Variants in EXOC4 observed in about 807,000 individuals in gnomAD.
The protein encoded by EXOC4 is SEC8-like 1.
EXOC4 carries 71 observed loss-of-function variants against 107.2 expected under a neutral mutation model. The ratio of observed to expected loss-of-function variants is 0.66; its 90% CI spans 0.55 to 0.81. The LOEUF is 0.81. EXOC4 is among the 30% of genes least tolerant of loss of function. The pLI, the probability that EXOC4 is intolerant of heterozygous loss-of-function variation, is 0.00. For synonymous variants in EXOC4, 456 were observed against 441.2 expected (o/e 1.03, Z -0.42); for missense variants, 1,108 against 1,189.6 (o/e 0.93, Z 1.01).
chr7:133,777,355 C>T (rs1309766298), intron 10 of EXOC4, among the ~76,000 whole-genome samples: 1 of 151,446 alleles, frequency 6.6e-6, no homozygotes. Context: ...TGTGATTGTA[C>T]TAGACATTTT....
chr7:134,093,348 T>C, the EXOC4 span, among the ~76,000 whole-genome samples: 1 of 152,024 alleles, frequency 6.6e-6, no homozygotes, highest in African/African-American at 2.4e-5. Flanking sequence ...TAATGATAAA[T>C]AATCCAATTC....
intron 9 of EXOC4, among the ~76,000 whole-genome samples, chr7:133,497,428 G>GTTT (rs1220022922): frequency 2.9e-5 from 4 of 139,304 alleles, no homozygotes; most frequent in Non-Finnish European, 3.2e-5. Context: ...CTCTGTCAGT[G>GTTT]TTTTTTTTTT....
chr7:133,271,016 T>A (rs148340732), intron 1 of EXOC4, among the ~76,000 whole-genome samples: 2 of 152,092 alleles, frequency 1.3e-5, no homozygotes, highest in African/African-American at 4.8e-5. Flanking sequence ...CCTCCTGGGT[T>A]CAAGTGATTC....
chr7:133,472,830 T>C (rs1798911003), intron 7 of EXOC4, among the ~76,000 whole-genome samples: 2 of 152,100 alleles, frequency 1.3e-5, no homozygotes, highest in Non-Finnish European at 2.9e-5. Flanking sequence ...GAGGTAACAA[T>C]TAAGGGGACT....
Position 133,272,008 on chromosome 7 carries a change from G to A in EXOC4, c.87-2974G>A, listed in dbSNP as rs924857304. Among the ~76,000 whole-genome samples the A allele has an allele frequency of 4.0e-5, 6 of 151,866 alleles. No individual in the cohort carries two copies. In the East Asian group the frequency reaches 1.2e-3, roughly 29 times the overall value. On this transcript the variant is annotated intron_variant, in intron 1 of 17. Transcript: ENST00000253861. ...GAGGGTGTACTTTTTATTATGTTAT[G>A]GAAAAACGCTACTGTCTTTGCTGCT...
chr7:133,824,374 G>T (rs576956586), intron 11 of EXOC4, among the ~76,000 whole-genome samples: 1 of 151,926 alleles, frequency 6.6e-6, no homozygotes, highest in Non-Finnish European at 1.5e-5. Flanking sequence ...CTCATCACCA[G>T]CTTGCTGTTT....
At chr7:134,077,591 A>T in the EXOC4 span, among the ~76,000 whole-genome samples, 1 of 152,210 alleles carries the variant, frequency 6.6e-6, no homozygotes, top group Admixed American at 6.5e-5. Flanking sequence ...ACCTCCAAAA[A>T]ATTGGGCCCA....
chr7:133,571,531 A>G (rs969529890), intron 9 of EXOC4, among the ~76,000 whole-genome samples: 1 of 152,044 alleles, frequency 6.6e-6, no homozygotes, highest in African/African-American at 2.4e-5. Flanking sequence ...TTAGCCAGGC[A>G]TGGTGTCATG....
intron 17 of EXOC4, among the ~76,000 whole-genome samples, chr7:134,030,305 A>G (rs1795239319): frequency 6.6e-6 from 1 of 152,254 alleles, no homozygotes; most frequent in South Asian, 2.1e-4. Context: ...AGTATTCATA[A>G]TAGCCAAAAG....
intron 7 of EXOC4, among the ~76,000 whole-genome samples, chr7:133,379,761 TAAAC>T (rs1030376059): frequency 3.3e-5 from 5 of 152,184 alleles, no homozygotes; most frequent in Admixed American, 6.6e-5. Context: ...GTTATGATAA[TAAAC>T]AAAGTAAGAT....
At chr7:133,831,885 A>G (rs1214223279) in intron 11 of EXOC4, among the ~76,000 whole-genome samples, 1 of 152,204 alleles carries the variant, frequency 6.6e-6, no homozygotes, top group Admixed American at 6.5e-5. Context: ...GTTCATACTG[A>G]TGTCTCCAAC....
chr7:133,279,982 G>A (rs141932005), intron 2 of EXOC4, among the ~76,000 whole-genome samples: 94 of 152,094 alleles, frequency 6.2e-4, no homozygotes, highest in African/African-American at 2.2e-3. Flanking sequence ...TTTAGAGATA[G>A]GGTTTCACTC....
chr7:133,503,254 T>C (rs988511135), intron 9 of EXOC4, among the ~76,000 whole-genome samples: 3 of 152,134 alleles, frequency 2.0e-5, no homozygotes, highest in Non-Finnish European at 2.9e-5. Context: ...GGGTGGGGCT[T>C]TTTGTTACAA....
chr7:133,733,806 G>A (rs1416580769), intron 10 of EXOC4, among the ~76,000 whole-genome samples: 1 of 152,002 alleles, frequency 6.6e-6, no homozygotes. Flanking sequence ...CAAGTCTATG[G>A]TAACTTTCTC....
rs1325830487 is a variant in EXOC4, at chr7:133,317,266, G to A, written c.657-18G>A. 6.3e-7 allele frequency: 1 copy of A among 1,575,476 alleles called. No homozygotes were observed. The highest frequency in any genetic ancestry group is 1.1e-5 in the South Asian group (1 of 90,102). ...GGTTTTGAAGAAAGTGGTAACTAGT[G>A]CTTCTTTTCCCGTTCAGCTCCCTCG... On this transcript the variant is annotated intron_variant, in intron 4 of 17. Transcript: ENST00000253861.
intron 9 of EXOC4, among the ~76,000 whole-genome samples, chr7:133,599,500 T>G (rs1274293695): frequency 6.6e-6 from 1 of 152,220 alleles, no homozygotes; most frequent in East Asian, 1.9e-4. Context: ...CTCTAATGGC[T>G]GTTTAACAGA....
At chr7:133,455,530 G>C (rs2150815843) in intron 7 of EXOC4, among the ~76,000 whole-genome samples, 1 of 152,280 alleles carries the variant, frequency 6.6e-6, no homozygotes, top group South Asian at 2.1e-4. Context: ...TGATATATGA[G>C]ACAAAATAAG....
Position 133,410,493 on chromosome 7 carries a change from C to T in EXOC4, c.1182+35491C>T, listed in dbSNP as rs576221800. Among the ~76,000 whole-genome samples, 10 of 152,240 alleles carry T rather than the reference C, an allele frequency of 6.6e-5. No homozygotes were observed. In the East Asian group the frequency reaches 1.9e-3, roughly 29 times the overall value. On this transcript the variant is annotated intron_variant, in intron 7 of 17. Transcript: ENST00000253861. The stretch of plus-strand genomic sequence containing the variant: ...TCTGATTTATTTTTTACAACACAAT[C>T]ATTTAATTTGACTCACCTGAGGGGT...
At chr7:133,475,642 G>A (rs1798993744) in intron 8 of EXOC4, among the ~76,000 whole-genome samples, 169 bp downstream of exon 8, 1 of 152,188 alleles carries the variant, frequency 6.6e-6, no homozygotes, top group African/African-American at 2.4e-5. Context: ...GTCAGGTGAA[G>A]TGGTTGTTTT....
Sources: allele counts gnomAD v4.1 joint callset (sites outside exome capture counted in the v4.1 genomes callset), GRCh38; gene constraint gnomAD v4.1.1; transcripts MANE v1.5; gene names NCBI Gene and HGNC (gene_info 2026-07-23, HGNC 2026-07-21).